The following DPP6 variants were observed in gnomAD, a reference collection of about 807,000 sequenced individuals.
DPP6 encodes the protein A-type potassium channel modulatory protein DPP6.
In DPP6, 69 loss-of-function variants were observed where a neutral mutation model predicts 122.6. The observed-to-expected ratio is 0.56, with a 90% confidence interval of 0.46 to 0.69. The LOEUF (loss-of-function observed/expected upper bound fraction) is 0.69, where lower values mean the gene tolerates loss of function less well. Among genes scored for constraint, DPP6 ranks in the 30% least tolerant of loss-of-function variants. DPP6 has a pLI of 0.00. For synonymous variants in DPP6, 418 were observed against 433.1 expected (o/e 0.97, Z 0.43); for missense variants, 928 against 1,116.9 (o/e 0.83, Z 2.41).
At chr7:154,384,317 G>A (rs1056456918) in intron 1 of DPP6, among the ~76,000 whole-genome samples, 2 of 152,180 alleles carry the variant, frequency 1.3e-5, no homozygotes, top group Admixed American at 1.3e-4. Flanking sequence ...AGGCATTGTG[G>A]CATCCAATGG....
intron 1 of DPP6, among the ~76,000 whole-genome samples, chr7:154,423,832 A>T (rs1817677786): frequency 6.6e-6 from 1 of 152,198 alleles, no homozygotes; most frequent in African/African-American, 2.4e-5. Flanking sequence ...TTTTGATTTC[A>T]TTGTTTAAAG....
chr7:154,574,305 G>A (rs1831316954), intron 5 of DPP6, among the ~76,000 whole-genome samples: 1 of 125,422 alleles, frequency 8.0e-6, no homozygotes, highest in African/African-American at 3.2e-5. Flanking sequence ...GTGTGTATGT[G>A]TGTGGTGTGC....
chr7:154,173,453 T>G (rs1021326649), intron 1 of DPP6, among the ~76,000 whole-genome samples: 2 of 152,066 alleles, frequency 1.3e-5, no homozygotes, highest in Admixed American at 6.6e-5. Context: ...GCCCCGGATT[T>G]TTATTTCTGT....
intron 5 of DPP6, among the ~76,000 whole-genome samples, chr7:154,634,459 T>C (rs1003258038): frequency 1.3e-5 from 2 of 152,172 alleles, no homozygotes; most frequent in Non-Finnish European, 2.9e-5. Context: ...TAAATCATGC[T>C]GCTACAAAGA....
chr7:154,079,535 A>G (rs1289134774), intron 1 of DPP6, among the ~76,000 whole-genome samples: 1 of 152,196 alleles, frequency 6.6e-6, no homozygotes, highest in Admixed American at 6.5e-5. Flanking sequence ...AGGATTCTAG[A>G]GTGAGTGATT....
chr7:154,668,604 G>A (rs556211961), intron 6 of DPP6, among the ~76,000 whole-genome samples: 1 of 152,198 alleles, frequency 6.6e-6, no homozygotes, highest in East Asian at 1.9e-4. Flanking sequence ...CATTCTTCAC[G>A]TGGAGGGGTG....
the DPP6 span, among the ~76,000 whole-genome samples, chr7:153,860,427 A>G: frequency 6.6e-6 from 1 of 152,086 alleles, no homozygotes; most frequent in Non-Finnish European, 1.5e-5. Context: ...ATGGAAGGGA[A>G]GTGAGGCCAG....
intron 1 of DPP6, among the ~76,000 whole-genome samples, chr7:153,948,231 A>G (rs1050244070): frequency 1.3e-5 from 2 of 152,224 alleles, no homozygotes; most frequent in Non-Finnish European, 2.9e-5. Flanking sequence ...TACTGTGGCC[A>G]TATTGCTTTC....
chr7:154,476,830 C>A (rs1156648213), intron 3 of DPP6, among the ~76,000 whole-genome samples: 33 of 152,162 alleles, frequency 2.2e-4, no homozygotes, highest in Admixed American at 2.2e-3. Flanking sequence ...CAGTGGCTCA[C>A]ACCTGTATTC....
At chr7:154,704,493 A>G (rs1840713009) in intron 7 of DPP6, among the ~76,000 whole-genome samples, 1 of 152,202 alleles carries the variant, frequency 6.6e-6, no homozygotes, top group Non-Finnish European at 1.5e-5. Flanking sequence ...ATTGGGTGCT[A>G]CAGGAAAGCT....
the DPP6 span, among the ~76,000 whole-genome samples, chr7:153,822,416 C>G: frequency 6.6e-6 from 1 of 152,054 alleles, no homozygotes; most frequent in African/African-American, 2.4e-5. Context: ...GTCTCGAACT[C>G]CTGACCTCAA....
At chr7:154,750,796 G>C (rs915143011) in intron 8 of DPP6, among the ~76,000 whole-genome samples, 61 of 152,244 alleles carry the variant, frequency 4.0e-4, no homozygotes, top group Admixed American at 2.6e-4. Flanking sequence ...GAGAGGGCAG[G>C]AGAAGCAGTT....
chr7:154,313,094 A>G (rs144421374), intron 1 of DPP6, among the ~76,000 whole-genome samples: 7 of 152,320 alleles, frequency 4.6e-5, no homozygotes, highest in African/African-American at 1.7e-4. Flanking sequence ...AGGGAAGGAA[A>G]CATATTTTTA....
At chr7:153,979,269 C>T (rs112484276) in intron 1 of DPP6, among the ~76,000 whole-genome samples, 648 of 152,208 alleles carry the variant, frequency 4.3e-3, no homozygotes, top group African/African-American at 0.015. Flanking sequence ...CACCCCTTGT[C>T]AGTTGGATTC....
At chr7:154,446,805 G>T (rs940283634) in intron 2 of DPP6, among the ~76,000 whole-genome samples, 1 of 152,160 alleles carries the variant, frequency 6.6e-6, no homozygotes, top group African/African-American at 2.4e-5. Flanking sequence ...ATCCACAGAA[G>T]AAACCTACAA....
chr7:154,526,410 C>T (rs974567144), intron 3 of DPP6, among the ~76,000 whole-genome samples: 3 of 152,186 alleles, frequency 2.0e-5, no homozygotes, highest in Middle Eastern at 3.4e-3. Context: ...AATATAACCT[C>T]GTAGATAGTG....
chr7:154,435,964 G>A (rs141704197), intron 1 of DPP6, among the ~76,000 whole-genome samples: 7 of 151,978 alleles, frequency 4.6e-5, no homozygotes, highest in Non-Finnish European at 8.8e-5. Context: ...TACTTTTTAC[G>A]GTGCTCAATT....
the DPP6 span, among the ~76,000 whole-genome samples, chr7:153,805,264 A>G: frequency 6.6e-4 from 101 of 152,332 alleles, 1 homozygote; most frequent in Non-Finnish European, 1.3e-3. Flanking sequence ...GATAAAATAT[A>G]GTATATGACT....
chr7:153,960,340 C>G (rs1458402078), intron 1 of DPP6, among the ~76,000 whole-genome samples: 1 of 151,958 alleles, frequency 6.6e-6, no homozygotes, highest in African/African-American at 2.4e-5. Context: ...CTTGTGTACG[C>G]ATAATTTTAT....
Sources: gnomAD v4.1 joint callset for allele counts (sites outside exome capture counted in the v4.1 genomes callset) on GRCh38, gnomAD v4.1.1 for gene constraint, MANE v1.5 for transcripts, NCBI Gene and HGNC (gene_info 2026-07-23, HGNC 2026-07-21) for gene names.